RFTN1: variants seen among roughly 807,000 people sequenced by gnomAD.
RFTN1 encodes raftlin.
A neutral mutation model predicts 46.5 loss-of-function variants in RFTN1; 26 were observed. The ratio of observed to expected loss-of-function variants is 0.56; its 90% confidence interval spans 0.41 to 0.78. The LOEUF (loss-of-function observed/expected upper bound fraction) is 0.78, where lower values mean the gene tolerates loss of function less well. Among genes scored for constraint, RFTN1 ranks in the 30% least tolerant of loss-of-function variants. RFTN1 has a pLI of 0.00. For synonymous variants in RFTN1, 261 were observed against 284.2 expected, an observed-to-expected ratio of 0.92 and a Z score of 0.82; for missense variants, 693 against 718.7, an observed-to-expected ratio of 0.96 and a Z score of 0.41.
rs1463428062 is a variant in RFTN1, at chr3:16,346,817, G to T, written c.1146+11115C>A. On this transcript the variant is annotated intron_variant, in intron 7 of 9. Transcript: ENST00000334133. The surrounding 1 kb of genome is among the most constrained non-coding windows in gnomAD (Gnocchi z 4.4). ...ATTGCCACAGTCACCTTGTGAGGAG[G>T]ATCATAAGGAGAGCCCTGCAGACAG... Among the ~76,000 whole-genome samples, 3 of 152,190 alleles carry T rather than the reference G, an allele frequency of 2.0e-5. No individual in the cohort carries two copies. Among genetic ancestry groups the T allele is most frequent in the African/African-American group, 7.2e-5 (3 of 41,452 alleles).
chr3:16,406,201 G>T (rs1429825066), intron 4 of RFTN1, among the ~76,000 whole-genome samples: 1 of 152,172 alleles, frequency 6.6e-6, no homozygotes, highest in Non-Finnish European at 1.5e-5. Flanking sequence ...GCACACAGAG[G>T]TGGTATTTTC....
rs867584470 is a variant in RFTN1, at chr3:16,465,198, A to G, written c.145+28527T>C. 6.6e-6 allele frequency among the ~76,000 whole-genome samples: 1 copy of G among 151,670 alleles called. No individual in the cohort carries two copies. Among genetic ancestry groups the G allele is most frequent in the Middle Eastern group, 3.4e-3 (1 of 294 alleles). On this transcript the variant is annotated intron_variant, in intron 2 of 9. Transcript: ENST00000334133. The surrounding 1 kb of genome is among the most constrained non-coding windows in gnomAD (Gnocchi z 5.1). The stretch of plus-strand genomic sequence containing the variant: ...CTAAAACAAATAATGGAAGGCAACT[A>G]TTCAAGGATGCCACTTCAAGGTAAA...
In RFTN1 at chr3:16,409,365, T is replaced by C. The variant is rs1546650; in HGVS notation, c.441+10A>G. 895,115 of 1,567,052 alleles carry C rather than the reference T, an allele frequency of 0.57. 258,302 individuals are homozygous for C. The highest frequency in any genetic ancestry group is 0.74 in the African/African-American group (55,031 of 73,964). The stretch of plus-strand genomic sequence containing the variant: ...AACCTCTTCAATGGTACCCTGACTG[T>C]AGCGCTCACCTTCTTAATGAACTCT... On this transcript the variant is annotated intron_variant, in intron 4 of 9. Coordinates refer to ENST00000334133, the MANE Select transcript of RFTN1 (RefSeq NM_015150.2).
At chr3:16,415,761 A>G (rs1473569785) in intron 3 of RFTN1, among the ~76,000 whole-genome samples, 1 of 152,018 alleles carries the variant, frequency 6.6e-6, no homozygotes, top group Admixed American at 6.6e-5. Context: ...AGTCAAGGAG[A>G]AGGGTATGAG....
chr3:16,472,218 A>T (rs1268099479), intron 2 of RFTN1: 1 of 152,002 alleles, frequency 6.6e-6, no homozygotes, highest in Non-Finnish European at 1.5e-5. Context: ...GAAACTTGGG[A>T]CTTTGTCTTT....
chr3:16,510,306 T>G (rs1041352385), intron 1 of RFTN1, among the ~76,000 whole-genome samples: 1 of 151,986 alleles, frequency 6.6e-6, no homozygotes, highest in Non-Finnish European at 1.5e-5. Flanking sequence ...AGACCAGAAA[T>G]CCCCCGGGAG....
At position 16,506,553 on chromosome 3, in the gene RFTN1, G is replaced by A. The variant is rs2076810219; in HGVS notation, c.-9+6889C>T. ...AGGATTGACTGATGATTTGGAAAAA[G>A]GGGATGAGCAAAAGAGGGCATCCAA... On this transcript the variant is annotated intron_variant, in intron 1 of 9. Coordinates refer to ENST00000334133, the MANE Select transcript of RFTN1 (RefSeq NM_015150.2). The surrounding 1 kb of genome is among the most constrained non-coding windows in gnomAD (Gnocchi z 4.8). Among the ~76,000 whole-genome samples, 1 of 152,074 alleles carries A rather than the reference G, an allele frequency of 6.6e-6. No individual in the cohort carries two copies. Among genetic ancestry groups the A allele is most frequent in the African/African-American group, 2.4e-5 (1 of 41,388 alleles).
Position 16,489,495 on chromosome 3 carries a change from C to T in RFTN1, c.145+4230G>A, listed in dbSNP as rs575109953. ...ATAACAAAGGGGCATGAGGAAACTT[C>T]TGGGGCAATGGAAATGTTCTGCATC... On this transcript the variant is annotated intron_variant, in intron 2 of 9. Transcript: ENST00000334133. The surrounding 1 kb of genome is among the most constrained non-coding windows in gnomAD (Gnocchi z 4.0). 5.3e-5 allele frequency among the ~76,000 whole-genome samples: 8 copies of T among 152,264 alleles called. No individual in the cohort carries two copies. The South Asian group carries it at 8.3e-4, about 16-fold the overall frequency.
chr3:16,396,505 T>C (rs1475110123), intron 4 of RFTN1, among the ~76,000 whole-genome samples: 1 of 152,170 alleles, frequency 6.6e-6, no homozygotes, highest in Non-Finnish European at 1.5e-5. Flanking sequence ...GCTATATCTG[T>C]TATTAAAGAC....
At chr3:16,488,812 T>C (rs975401002) in intron 2 of RFTN1, among the ~76,000 whole-genome samples, 2 of 152,184 alleles carry the variant, frequency 1.3e-5, no homozygotes, top group Admixed American at 1.3e-4. Flanking sequence ...AAGAAATGAG[T>C]GTATCCACCT....
At chr3:16,319,547 A>T (rs1011703247) in intron 9 of RFTN1, among the ~76,000 whole-genome samples, 1 of 152,180 alleles carries the variant, frequency 6.6e-6, no homozygotes, top group Admixed American at 6.5e-5. Flanking sequence ...ACAACTGAGG[A>T]CAATTCCACC....
Position 16,446,774 on chromosome 3 carries a change from A to G in RFTN1, c.146-12737T>C, listed in dbSNP as rs1033257372. ...GTGCGGTACCCGAGGGTATGAGCACACTTGAGTTTGGCATCTACACAGGAA... is the reference window on the plus strand; with the variant it reads ...GTGCGGTACCCGAGGGTATGAGCACGCTTGAGTTTGGCATCTACACAGGAA... On this transcript the variant is annotated intron_variant, in intron 2 of 9. Coordinates refer to ENST00000334133, the MANE Select transcript of RFTN1 (RefSeq NM_015150.2). The surrounding 1 kb of genome is among the most constrained non-coding windows in gnomAD (Gnocchi z 4.5). Among the ~76,000 whole-genome samples, 1 of 151,434 alleles carries G rather than the reference A, an allele frequency of 6.6e-6. No individual in the cohort carries two copies. The highest frequency in any genetic ancestry group is 2.1e-4 in the South Asian group (1 of 4,784).
At chr3:16,472,792 A>G (rs1178497213) in intron 2 of RFTN1, among the ~76,000 whole-genome samples, 1 of 152,190 alleles carries the variant, frequency 6.6e-6, no homozygotes, top group African/African-American at 2.4e-5. Context: ...ATTACACAGG[A>G]GTGACGCCTG....
rs1023154156 is a variant in RFTN1, at chr3:16,500,013, C to G, written c.-8-6136G>C. 6.6e-6 allele frequency among the ~76,000 whole-genome samples: 1 copy of G among 152,286 alleles called. No individual in the cohort carries two copies. On this transcript the variant is annotated intron_variant, in intron 1 of 9. Transcript: ENST00000334133. The surrounding 1 kb of genome is among the most constrained non-coding windows in gnomAD (Gnocchi z 5.9). Reference sequence around the variant, plus strand: ...ATGAAAAGTGTATGGAAAGTGAGATCTCTCAAAGATCAGCTAGCCCCTGCT... The same window carrying G: ...ATGAAAAGTGTATGGAAAGTGAGATGTCTCAAAGATCAGCTAGCCCCTGCT...
intron 9 of RFTN1, among the ~76,000 whole-genome samples, chr3:16,319,879 G>A (rs1167843802): frequency 6.6e-6 from 1 of 152,192 alleles, no homozygotes; most frequent in Admixed American, 6.5e-5. Flanking sequence ...GGCAAGTCCA[G>A]CCTGGGGAAT....
At chr3:16,324,646 TTGTGTGTGTGTGTGTGTGTGTG>T (rs71632869) in intron 8 of RFTN1, among the ~76,000 whole-genome samples, 6 of 100,474 alleles carry the variant, frequency 6.0e-5, no homozygotes, top group Admixed American at 1.1e-4. Flanking sequence ...TAGTATTCCA[TTGTGTGTGTGTGTGTGTGTGTG>T]TGTGTGTGTG....
rs1402866478 is a variant in RFTN1 at position 16,460,589 on chromosome 3, G to A, written c.146-26552C>T. Among the ~76,000 whole-genome samples, 2 of 151,572 alleles carry A rather than the reference G, an allele frequency of 1.3e-5. No individual in the cohort carries two copies. The highest frequency in any genetic ancestry group is 4.8e-5 in the African/African-American group (2 of 41,374). On this transcript the variant is annotated intron_variant, in intron 2 of 9. Coordinates refer to ENST00000334133, the MANE Select transcript of RFTN1 (RefSeq NM_015150.2). The surrounding 1 kb of genome is among the most constrained non-coding windows in gnomAD (Gnocchi z 4.8). The stretch of plus-strand genomic sequence containing the variant: ...CTCACATTTCAAGCAGAGGCTGGGT[G>A]GGGAATATATATTTTTTTAACCTAA...
chr3:16,493,774 T>C lies in RFTN1; in HGVS notation c.96A>G (p.Ile32Met). ...GGAAGCGGTATTCATAGGACACATC[T>C]ATCTTGGTTTCCACCTGAGGCCTCT... ...TLKRPQVETKIDVSYEYRFLE... is the reference protein window; with the variant it reads ...TLKRPQVETKMDVSYEYRFLE... Residue 32 changes from isoleucine (I) to methionine (M), a missense_variant, in exon 2 of 10, where the codon ATA becomes ATG. By Grantham distance (10) the Ile-to-Met change is conservative. Transcript: ENST00000334133. 6.2e-7 allele frequency: 1 copy of C among 1,613,682 alleles called. No individual in the cohort carries two copies. Among genetic ancestry groups the C allele is most frequent in the Non-Finnish European group, 8.5e-7 (1 of 1,179,882 alleles).
chr3:16,327,023 T>A lies in RFTN1; in HGVS notation c.1147-147A>T, dbSNP rs1245351206. Reference sequence around the variant, plus strand: ...CAGAGGCTCCTGCTCCGATGCTTGCTGAAGACTTTAAAAGTTTGGAGTCAA... The same window carrying A: ...CAGAGGCTCCTGCTCCGATGCTTGCAGAAGACTTTAAAAGTTTGGAGTCAA... On this transcript the variant is annotated intron_variant, in intron 7 of 9. Transcript: ENST00000334133. This position sits in a 1 kb window ranked among gnomAD's most constrained non-coding sequence, Gnocchi z 4.2. The A allele has an allele frequency of 6.0e-5, 36 of 596,878 alleles. No homozygotes were observed. The highest frequency in any genetic ancestry group is 9.4e-5 in the Non-Finnish European group (32 of 341,300). The allele number at this position is 596,878 out of a possible 1,614,324, so 37.0% of individuals were successfully genotyped here.
Sources: gnomAD v4.1 joint callset for allele counts (sites outside exome capture counted in the v4.1 genomes callset) on GRCh38, gnomAD v4.1.1 for gene constraint, Gnocchi (gnomAD v3.1) non-coding constraint, MANE v1.5 for transcripts, NCBI Gene and HGNC (gene_info 2026-07-23, HGNC 2026-07-21) for gene names.